FAM200B: variants seen among roughly 807,000 people sequenced by gnomAD.
FAM200B encodes the protein zinc finger BED-type containing 11, also known as protein FAM200B.
FAM200B carries 32 observed loss-of-function variants against 33.1 expected under a neutral mutation model. The observed-to-expected ratio is 0.97, with a 90% CI of 0.73 to 1.30. FAM200B has a LOEUF of 1.30. Among genes scored for constraint, FAM200B ranks in the 50% most tolerant of loss-of-function variants. The pLI, the probability that FAM200B is intolerant of heterozygous loss-of-function variation, is 0.00. For synonymous variants in FAM200B, 240 were observed against 264.8 expected, an observed-to-expected ratio of 0.91 and a Z score of 0.91; for missense variants, 741 against 754.0, an observed-to-expected ratio of 0.98 and a Z score of 0.20.
the FAM200B span, chr4:15,659,623 A>T: frequency 2.7e-6 from 1 of 372,466 alleles, no homozygotes; most frequent in Non-Finnish European, 3.7e-6. Context: ...CTTTCATTTT[A>T]AATCTGGAGA....
chr4:15,641,053 T>C, the FAM200B span, among the ~76,000 whole-genome samples: 2 of 152,168 alleles, frequency 1.3e-5, no homozygotes, highest in African/African-American at 2.4e-5. Flanking sequence ...ACAGTAAGCT[T>C]TGAATTACTT....
chr4:15,673,423 A>G, the FAM200B span, among the ~76,000 whole-genome samples: 1 of 152,198 alleles, frequency 6.6e-6, no homozygotes, highest in Non-Finnish European at 1.5e-5. Context: ...CCTGGGCAAC[A>G]GAGTGAGACC....
the FAM200B span, chr4:15,656,434 C>T: frequency 1.0e-5 from 4 of 381,716 alleles, no homozygotes; most frequent in Non-Finnish European, 2.1e-5. Flanking sequence ...TCCAGGAGGG[C>T]AAGAACCAGA....
rs1437120106 is a variant in FAM200B at position 15,688,008 on chromosome 4, A to G, written c.1031A>G (p.Glu344Gly). 1 of 1,550,998 alleles carries G rather than the reference A, an allele frequency of 6.4e-7. No individual in the cohort carries two copies. The highest frequency in any genetic ancestry group is 8.7e-7 in the Non-Finnish European group (1 of 1,146,502). The change falls in exon 2 of 2, where the codon GAG becomes GGG. Residue 344 changes from glutamate to glycine, a missense_variant. Transcript: ENST00000422728. Reference sequence around the variant, plus strand: ...AGAGAAATTCCACAGAATCTCATGGAGGTATTGAAAAATGCAGTGAAAGTT... The same window carrying G: ...AGAGAAATTCCACAGAATCTCATGGGGGTATTGAAAAATGCAGTGAAAGTT... ...ASREIPQNLM[E>G]VLKNAVKVVN...
At chr4:15,666,871 TAA>T in the FAM200B span, among the ~76,000 whole-genome samples, 1 of 145,990 alleles carries the variant, frequency 6.8e-6, no homozygotes. Context: ...GTCCCACCAT[TAA>T]AAAAAAAAAG....
chr4:15,656,123 G>T, the FAM200B span: 1 of 454,518 alleles, frequency 2.2e-6, no homozygotes, highest in South Asian at 1.6e-5. Flanking sequence ...GACGGGCCTT[G>T]GGGGTGGGGA....
At chr4:15,654,297 A>C in the FAM200B span, among the ~76,000 whole-genome samples, 1 of 152,246 alleles carries the variant, frequency 6.6e-6, no homozygotes, top group African/African-American at 2.4e-5. Flanking sequence ...TGAGGTTTGC[A>C]GATATCCATG....
the FAM200B span, among the ~76,000 whole-genome samples, chr4:15,654,098 A>G: frequency 0.64 from 97,123 of 152,076 alleles, 31,168 homozygotes; most frequent in Admixed American, 0.69. Flanking sequence ...GTGTGGCCTA[A>G]CAGTGAATAC....
rs1480951533 is a variant in FAM200B at position 15,688,468 on chromosome 4, T to C, written c.1491T>C (p.Asn497=). The C allele has an allele frequency of 1.3e-6, 2 of 1,539,524 alleles. No homozygotes were observed. The highest frequency in any genetic ancestry group is 2.8e-5 in the African/African-American group (2 of 72,692). The change falls in exon 2 of 2, where the codon AAT becomes AAC. Residue 497 remains asparagine (N), a synonymous_variant. Transcript: ENST00000422728. The part of the protein sequence containing the change: ...FLQHIEENII[N]ENILKEIKLE... ...AGCATATTGAAGAGAATATTATTAA[T>C]GAAAACATTTTGAAAGAAATAAAAT...
the FAM200B span, among the ~76,000 whole-genome samples, chr4:15,641,847 C>T: frequency 6.6e-5 from 10 of 151,916 alleles, no homozygotes; most frequent in African/African-American, 1.7e-4. Context: ...CCCAACGCGG[C>T]GAAACCCTGT....
chr4:15,679,765 C>G (rs1718138188), upstream of FAM200B, among the ~76,000 whole-genome samples: 4 of 148,328 alleles, frequency 2.7e-5, no homozygotes, highest in Admixed American at 2.0e-4. Context: ...TCCAATCCCC[C>G]TAAAAAAAAA....
chr4:15,669,922 G>T, the FAM200B span, among the ~76,000 whole-genome samples: 1 of 152,082 alleles, frequency 6.6e-6, no homozygotes, highest in Non-Finnish European at 1.5e-5. Context: ...TTAAAGGGGC[G>T]GTAATCACCC....
chr4:15,655,159 T>C, the FAM200B span: 2 of 1,332,962 alleles, frequency 1.5e-6, no homozygotes, highest in Non-Finnish European at 2.0e-6. Flanking sequence ...CCGCTCCCCA[T>C]CGCCGCCCGC....
At chr4:15,649,578 C>CAAAAAA in the FAM200B span, among the ~76,000 whole-genome samples, 24 of 81,242 alleles carry the variant, frequency 3.0e-4, no homozygotes, top group Admixed American at 4.4e-4. Flanking sequence ...GACTACGTCT[C>CAAAAAA]AAAAAAAAAA....
the FAM200B span, among the ~76,000 whole-genome samples, chr4:15,652,907 G>A: frequency 6.6e-6 from 1 of 152,084 alleles, no homozygotes; most frequent in East Asian, 1.9e-4. Context: ...GATATCCTTG[G>A]TCTATACAAC....
chr4:15,684,286 A>G (rs1223899976), intron 1 of FAM200B, among the ~76,000 whole-genome samples: 1 of 152,216 alleles, frequency 6.6e-6, no homozygotes, highest in Non-Finnish European at 1.5e-5. Flanking sequence ...GAGCATGTCT[A>G]TTTAAATTAA....
chr4:15,655,361 G>A, the FAM200B span: 10 of 1,183,542 alleles, frequency 8.4e-6, no homozygotes, highest in African/African-American at 9.8e-5. Flanking sequence ...GCGGGGCAGA[G>A]GCGGCGCGCC....
chr4:15,638,124 T>G, the FAM200B span, among the ~76,000 whole-genome samples: 8 of 152,036 alleles, frequency 5.3e-5, no homozygotes, highest in Admixed American at 5.2e-4. Context: ...GCCACTATGG[T>G]CAATAAAGCT....
Position 15,687,263 on chromosome 4 carries a change from G to A in FAM200B, c.286G>A (p.Glu96Lys), listed in dbSNP as rs1560263470. The A allele has an allele frequency of 7.8e-6, 12 of 1,547,024 alleles. No individual in the cohort carries two copies. The East Asian group carries it at 2.2e-4, about 28-fold the overall frequency. ...TATTTGTAATAATATTCTTGCGAAT[G>A]AAAGCTTAAAACCTTCGAAATTAAA... Reference protein sequence around the residue: ...CVICNNILANESLKPSKLKRH... With the variant: ...CVICNNILANKSLKPSKLKRH... The change falls in exon 2 of 2, where the codon GAA (glutamate) becomes AAA (lysine). Residue 96 changes from glutamate to lysine, a missense_variant. Transcript: ENST00000422728.
Sources: gnomAD v4.1 joint callset for allele counts (sites outside exome capture counted in the v4.1 genomes callset) on GRCh38, gnomAD v4.1.1 for gene constraint, MANE v1.5 for transcripts, NCBI Gene and HGNC (gene_info 2026-07-23, HGNC 2026-07-21) for gene names.